Variants in RIMBP2 observed in about 807,000 individuals in gnomAD.
The protein encoded by RIMBP2 is RIMS binding protein 2.
RIMBP2 carries 48 observed loss-of-function variants against 118.6 expected under a neutral mutation model. That is an observed-to-expected ratio of 0.40 (90% CI 0.32 to 0.51). The LOEUF (loss-of-function observed/expected upper bound fraction) is 0.51, where lower values mean the gene tolerates loss of function less well. Ranked by LOEUF, RIMBP2 falls within the 20% of genes least tolerant of loss-of-function variation. The probability of loss-of-function intolerance (pLI) is 0.41; values close to 1 mark genes in which losing one functional copy is unlikely to be tolerated. For synonymous variants in RIMBP2, 762 were observed against 742.9 expected, an observed-to-expected ratio of 1.03 and a Z score of -0.42; for missense variants, 1,551 against 1,768.3, an observed-to-expected ratio of 0.88 and a Z score of 2.20.
intron 2 of RIMBP2, among the ~76,000 whole-genome samples, chr12:130,580,170 C>T (rs1404867972): frequency 6.6e-5 from 10 of 150,662 alleles, no homozygotes; most frequent in African/African-American, 2.4e-4. Context: ...TGCCTTCCAG[C>T]CTGGGTGACA....
intron 1 of RIMBP2, among the ~76,000 whole-genome samples, chr12:130,689,389 C>T (rs147838511): frequency 6.6e-6 from 1 of 152,280 alleles, no homozygotes; most frequent in African/African-American, 2.4e-5. Flanking sequence ...GCCAAGATCG[C>T]TCCATGGCAC....
At position 130,635,911 on chromosome 12, in the gene RIMBP2, C is replaced by T. The variant is rs560266895; in HGVS notation, c.-351-7455G>A. 1.1e-4 allele frequency among the ~76,000 whole-genome samples: 17 copies of T among 152,206 alleles called. No individual in the cohort carries two copies. In the East Asian group the frequency reaches 3.3e-3, roughly 29 times the overall value. ...GCCCCCTACATCCACTCTACCACCC[C>T]CTACTGTCTTCTCCACACAGCCAAC... On this transcript the variant is annotated intron_variant, in intron 1 of 22. Transcript: ENST00000690449.
chr12:130,406,395 C>T (rs1165718891), intron 20 of RIMBP2, 152 bp from the exon 21 acceptor site: 1 of 593,230 alleles, frequency 1.7e-6, no homozygotes, highest in Admixed American at 3.4e-5. Flanking sequence ...TAATGAATGG[C>T]TCTGTCCACA....
intron 2 of RIMBP2, among the ~76,000 whole-genome samples, chr12:130,598,518 G>A (rs1780425167): frequency 6.6e-6 from 1 of 152,180 alleles, no homozygotes; most frequent in Non-Finnish European, 1.5e-5. Flanking sequence ...CACAAGGTCA[G>A]GAGATCGAGA....
At chr12:130,413,464 T>C (rs1449196945) in intron 18 of RIMBP2, among the ~76,000 whole-genome samples, 2 of 151,872 alleles carry the variant, frequency 1.3e-5, no homozygotes, top group African/African-American at 4.8e-5. Context: ...TCCCTGTCTC[T>C]ACTAAAAATG....
intron 1 of RIMBP2, among the ~76,000 whole-genome samples, chr12:130,689,384 G>A (rs1237849314): frequency 1.3e-5 from 2 of 152,210 alleles, no homozygotes; most frequent in Non-Finnish European, 2.9e-5. Context: ...AGTGAGCCAA[G>A]ATCGCTCCAT....
rs960430203 is a variant in RIMBP2 at position 130,434,178 on chromosome 12, T to A, written c.2253+556A>T. Among the ~76,000 whole-genome samples the A allele has an allele frequency of 6.6e-6, 1 of 152,248 alleles. No homozygotes were observed. On this transcript the variant is annotated intron_variant, in intron 14 of 22. Transcript: ENST00000690449. This position sits in a 1 kb window ranked among gnomAD's most constrained non-coding sequence, Gnocchi z 5.7. ...GCCCTCGGTTATTTCCAGTCCCTCC[T>A]GTTGTCCAAGTTTTGTTCTTTACAG... is the stretch of plus-strand genomic sequence containing the variant.
rs769868931 is a variant in RIMBP2, at chr12:130,436,953, C to T, written c.1995G>A (p.Arg665=). 5.6e-6 allele frequency: 9 copies of T among 1,604,286 alleles called. No individual in the cohort carries two copies. In the East Asian group the frequency reaches 1.8e-4, roughly 32 times the overall value. The change falls in exon 13 of 23, where the codon CGG becomes CGA. Residue 665 remains arginine (R), a synonymous_variant. Coordinates refer to ENST00000690449, the MANE Select transcript of RIMBP2 (RefSeq NM_001393629.1). ...GCAGGATGCGGCTGGGTGAGGGCGA[C>T]CGCCTTCCGGGGCCCACGGGCGGCT... ...MLEPPVGPGR[R]SPSPSRILPQ...
At chr12:130,652,656 T>C (rs989861149) in intron 1 of RIMBP2, among the ~76,000 whole-genome samples, 9 of 152,232 alleles carry the variant, frequency 5.9e-5, no homozygotes, top group Admixed American at 6.5e-5. Flanking sequence ...TATATTGTTT[T>C]TTCATTGCTA....
chr12:130,451,057 C>A, intron 8 of RIMBP2, 138 bp downstream of exon 8: 1 of 1,022,450 alleles, frequency 9.8e-7, no homozygotes, highest in Non-Finnish European at 1.4e-6. Context: ...AGGGAATTAA[C>A]AGGGGCAAAG....
intron 1 of RIMBP2, among the ~76,000 whole-genome samples, chr12:130,709,862 TGCCAAAATG>T (rs1332866413): frequency 6.6e-6 from 1 of 152,090 alleles, no homozygotes. Context: ...AGGCCCCTGC[TGCCAAAATG>T]GCCAAATGGG....
intron 2 of RIMBP2, among the ~76,000 whole-genome samples, chr12:130,580,848 G>A (rs1232215124): frequency 1.3e-5 from 2 of 152,164 alleles, no homozygotes; most frequent in Non-Finnish European, 2.9e-5. Context: ...GCTGAGGCAG[G>A]AGAATCGCTT....
intron 2 of RIMBP2, among the ~76,000 whole-genome samples, chr12:130,546,773 G>T (rs2055218358): frequency 6.6e-6 from 1 of 152,198 alleles, no homozygotes; most frequent in South Asian, 2.1e-4. Flanking sequence ...TTCAAGAACT[G>T]ACTCATTTGT....
chr12:130,692,737 T>C (rs1435925176), intron 1 of RIMBP2, among the ~76,000 whole-genome samples: 1 of 148,706 alleles, frequency 6.7e-6, no homozygotes, highest in East Asian at 2.0e-4. Context: ...GTGGAATAGG[T>C]GGAATGGGGT....
intron 1 of RIMBP2, among the ~76,000 whole-genome samples, chr12:130,697,792 AGCCT>A (rs2136721896): frequency 6.6e-6 from 1 of 152,344 alleles, no homozygotes; most frequent in African/African-American, 2.4e-5. Flanking sequence ...GCTGCACTCC[AGCCT>A]GGGCCACAAA....
chr12:130,443,485 C>G (rs1230561350), intron 10 of RIMBP2, among the ~76,000 whole-genome samples: 1 of 152,160 alleles, frequency 6.6e-6, no homozygotes, highest in East Asian at 1.9e-4. Context: ...TCACAAGGTA[C>G]CCACAGACCC....
intron 6 of RIMBP2, among the ~76,000 whole-genome samples, chr12:130,458,917 G>A (rs1284282050): frequency 6.6e-6 from 1 of 151,732 alleles, no homozygotes; most frequent in African/African-American, 2.4e-5. Context: ...GGAGACACGC[G>A]CCTGTAGTCC....
intron 7 of RIMBP2, among the ~76,000 whole-genome samples, chr12:130,452,478 G>A (rs1450108813): frequency 2.6e-5 from 4 of 152,206 alleles, no homozygotes; most frequent in Non-Finnish European, 4.4e-5. Context: ...AACATGGCTC[G>A]GCGTGTAGCA....
chr12:130,573,419 A>AGTGTGTGCGTGG (rs370100998), intron 2 of RIMBP2, among the ~76,000 whole-genome samples: 3 of 151,254 alleles, frequency 2.0e-5, no homozygotes, highest in Non-Finnish European at 3.0e-5. Flanking sequence ...TGTGCGTGTG[A>AGTGTGTGCGTGG]GTGTGTGCGT....
Sources: allele counts gnomAD v4.1 joint callset (sites outside exome capture counted in the v4.1 genomes callset), GRCh38; gene constraint gnomAD v4.1.1; non-coding constraint Gnocchi (gnomAD v3.1); transcripts MANE v1.5; gene names NCBI Gene and HGNC (gene_info 2026-07-23, HGNC 2026-07-21).